DCC: variants seen among roughly 807,000 people sequenced by gnomAD.
DCC encodes DCC netrin 1 receptor.
DCC carries 58 observed loss-of-function variants against 172.5 expected under a neutral mutation model. The observed-to-expected ratio is 0.34, with a 90% CI of 0.27 to 0.42. DCC has a LOEUF of 0.42. Ranked by LOEUF, DCC falls within the 10% of genes least tolerant of loss-of-function variation. DCC has a pLI of 1.00. For missense variants in DCC, 1,740 were observed against 1,791.0 expected (o/e 0.97, Z 0.51); for synonymous variants, 709 against 644.5 (o/e 1.10, Z -1.52).
chr18:52,379,598 A>G (rs747445835), intron 1 of DCC, among the ~76,000 whole-genome samples: 1 of 152,190 alleles, frequency 6.6e-6, no homozygotes, highest in African/African-American at 2.4e-5. Context: ...ATATTTGTGC[A>G]TCACTTAATG....
rs558256682 is a variant in DCC at position 52,476,225 on chromosome 18, T to C, written c.91+135347T>C. Among the ~76,000 whole-genome samples, 17 of 152,334 alleles carry C rather than the reference T, an allele frequency of 1.1e-4. No homozygotes were observed. In the South Asian group the frequency reaches 3.5e-3, roughly 32 times the overall value. On this transcript the variant is annotated intron_variant, in intron 1 of 28. Transcript: ENST00000442544. ...TAAATCACATTTTATATTCCATAAA[T>C]GTGGCCACATTGTCTCTTTTCCCTT...
intron 2 of DCC, among the ~76,000 whole-genome samples, chr18:52,870,794 C>T (rs958909012): frequency 4.7e-4 from 71 of 151,136 alleles, no homozygotes; most frequent in Admixed American, 3.4e-3. Flanking sequence ...CCCCTACCCA[C>T]CAAACTATCT....
intron 2 of DCC, among the ~76,000 whole-genome samples, chr18:52,869,490 G>T (rs1488472186): frequency 6.6e-6 from 1 of 152,190 alleles, no homozygotes; most frequent in Non-Finnish European, 1.5e-5. Context: ...TTTCCACTCT[G>T]GTCACAGGAC....
intron 7 of DCC, among the ~76,000 whole-genome samples, chr18:53,144,089 C>T (rs1335361996): frequency 6.6e-6 from 1 of 152,130 alleles, no homozygotes; most frequent in Non-Finnish European, 1.5e-5. Flanking sequence ...AGCTTACTTA[C>T]CACCTTCTTC....
At chr18:53,039,845 G>A (rs927004901) in intron 5 of DCC, among the ~76,000 whole-genome samples, 1 of 151,934 alleles carries the variant, frequency 6.6e-6, no homozygotes, top group Admixed American at 6.6e-5. Context: ...TAATAGCAAT[G>A]ATCACACCAT....
intron 1 of DCC, among the ~76,000 whole-genome samples, chr18:52,724,795 A>ACAG: frequency 6.6e-6 from 1 of 152,298 alleles, no homozygotes; most frequent in Middle Eastern, 3.4e-3. Context: ...GTAAACCAGC[A>ACAG]CAGTGAGTAA....
chr18:52,888,522 A>G (rs908274042), intron 2 of DCC, among the ~76,000 whole-genome samples: 1 of 152,150 alleles, frequency 6.6e-6, no homozygotes, highest in Non-Finnish European at 1.5e-5. Context: ...AAAGAACCCA[A>G]GTCAGCTTAT....
At chr18:53,348,529 G>C (rs540655563) in intron 15 of DCC, among the ~76,000 whole-genome samples, 2 of 152,138 alleles carry the variant, frequency 1.3e-5, no homozygotes, top group African/African-American at 2.4e-5. Context: ...GAGGACAGTG[G>C]CCCTCTTCTG....
In DCC at chr18:53,207,813, T is replaced by A; in HGVS notation, c.1857T>A (p.Ser619=). The A allele has an allele frequency of 6.2e-7, 1 of 1,611,642 alleles. No homozygotes were observed. The highest frequency in any genetic ancestry group is 8.5e-7 in the Non-Finnish European group (1 of 1,177,876). The change falls in exon 11 of 29, where the codon TCT becomes TCA. Residue 619 remains serine, a synonymous_variant. Transcript: ENST00000442544. ...STDDITVVTL[S]DVPSAPPQNV... ...ATGATATAACAGTGGTTACACTTTC[T>A]GACGGTAAGTTAAAAACAGTGAAAC...
intron 1 of DCC, among the ~76,000 whole-genome samples, chr18:52,534,697 T>G (rs1038464246): frequency 6.6e-6 from 1 of 152,194 alleles, no homozygotes; most frequent in Non-Finnish European, 1.5e-5. Context: ...TTTTTAATAC[T>G]TATTTTCTCT....
At chr18:53,495,383 C>CCAT (rs1384112908) in intron 26 of DCC, among the ~76,000 whole-genome samples, 2 of 93,068 alleles carry the variant, frequency 2.1e-5, no homozygotes, top group African/African-American at 4.5e-5. Context: ...GAGCAAGACT[C>CCAT]CATCTCAAAA....
At chr18:53,504,249 C>T (rs1054930164) in intron 27 of DCC, among the ~76,000 whole-genome samples, 4 of 152,148 alleles carry the variant, frequency 2.6e-5, no homozygotes, top group African/African-American at 4.8e-5. Context: ...CGTAGGCTGC[C>T]ATTGCGGGTA....
intron 14 of DCC, among the ~76,000 whole-genome samples, chr18:53,337,118 A>G (rs1225771321): frequency 6.6e-6 from 1 of 152,246 alleles, no homozygotes; most frequent in Non-Finnish European, 1.5e-5. Flanking sequence ...AACTTAACCA[A>G]TTTGCAAGAG....
At chr18:52,530,404 C>T (rs1306902523) in intron 1 of DCC, among the ~76,000 whole-genome samples, 3 of 152,144 alleles carry the variant, frequency 2.0e-5, no homozygotes, top group Non-Finnish European at 4.4e-5. Context: ...TGGGTTTAAA[C>T]CCTACTTTTA....
chr18:52,417,598 C>T (rs891254787), intron 1 of DCC, among the ~76,000 whole-genome samples: 1 of 151,974 alleles, frequency 6.6e-6, no homozygotes, highest in Non-Finnish European at 1.5e-5. Flanking sequence ...TCTAAACTTC[C>T]CTTCTCGCTT....
chr18:53,099,374 T>A (rs1487296229), intron 7 of DCC, among the ~76,000 whole-genome samples: 3 of 152,138 alleles, frequency 2.0e-5, no homozygotes, highest in African/African-American at 7.2e-5. Context: ...CCTTCTAGCT[T>A]CCTACTATGC....
chr18:52,549,972 T>G (rs1442344044), intron 1 of DCC, among the ~76,000 whole-genome samples: 2 of 151,482 alleles, frequency 1.3e-5, no homozygotes, highest in Non-Finnish European at 2.9e-5. Context: ...TTCCAAAGAG[T>G]AACCTATGGA....
chr18:53,255,198 G>T (rs1195503489), intron 12 of DCC, among the ~76,000 whole-genome samples: 2 of 151,656 alleles, frequency 1.3e-5, no homozygotes, highest in African/African-American at 4.8e-5. Context: ...TGGATATGTG[G>T]GGAGGTTTTT....
intron 15 of DCC, among the ~76,000 whole-genome samples, chr18:53,377,122 AG>A (rs142577397): frequency 0.043 from 6,534 of 152,284 alleles, 453 homozygotes; most frequent in African/African-American, 0.15. Flanking sequence ...TAGATAACAC[AG>A]AGGATACAAG....
Sources: allele counts gnomAD v4.1 joint callset (sites outside exome capture counted in the v4.1 genomes callset), GRCh38; gene constraint gnomAD v4.1.1; transcripts MANE v1.5; gene names NCBI Gene and HGNC (gene_info 2026-07-23, HGNC 2026-07-21).